TANC1: variants seen among roughly 807,000 people sequenced by gnomAD.
TANC1 encodes the protein protein TANC1.
A neutral mutation model predicts 149.7 loss-of-function variants in TANC1; 77 were observed. The ratio of observed to expected loss-of-function variants is 0.51; its 90% CI spans 0.43 to 0.62. The LOEUF (loss-of-function observed/expected upper bound fraction) is 0.62, where lower values mean the gene tolerates loss of function less well. Among genes scored for constraint, TANC1 ranks in the 20% least tolerant of loss-of-function variants. The probability of loss-of-function intolerance (pLI) is 0.00; values close to 1 mark genes in which losing one functional copy is unlikely to be tolerated. For missense variants in TANC1, 1,985 were observed against 2,321.8 expected, an observed-to-expected ratio of 0.85 and a Z score of 2.98; for synonymous variants, 854 against 925.0, an observed-to-expected ratio of 0.92 and a Z score of 1.39.
chr2:159,084,528 T>A (rs2044637657), intron 3 of TANC1, among the ~76,000 whole-genome samples: 3 of 152,306 alleles, frequency 2.0e-5, no homozygotes, highest in Admixed American at 2.0e-4. Context: ...CAGCTCCCTT[T>A]TATTCTCTCC....
In TANC1 at chr2:159,229,830, A is replaced by T. The variant is rs1444955354; in HGVS notation, c.4404A>T (p.Glu1468Asp). ...AAGAGGAAGAAACTTCTCCCCAGGA[A>T]GAATCTGTTTCCCCAACTCCCAGGT... Reference protein sequence around the residue: ...ETEEEETSPQEESVSPTPRSQ... With the variant: ...ETEEEETSPQDESVSPTPRSQ... Residue 1468 changes from glutamate (E) to aspartate (D), a missense_variant, in exon 27 of 27, where the codon GAA becomes GAT. Around this residue, in one of 3 missense-constraint regions of TANC1, gnomAD observed 920 missense variants for 994.7 expected, o/e 0.92. Coordinates refer to ENST00000263635, the MANE Select transcript of TANC1 (RefSeq NM_033394.3). 3 of 1,614,046 alleles carry T rather than the reference A, an allele frequency of 1.9e-6. No homozygotes were observed. In the Admixed American group the frequency reaches 5.0e-5, roughly 27 times the overall value.
intron 2 of TANC1, among the ~76,000 whole-genome samples, chr2:159,054,230 C>A (rs555493046): frequency 6.6e-6 from 1 of 152,266 alleles, no homozygotes; most frequent in East Asian, 1.9e-4. Context: ...GTTGTGTGAC[C>A]CTGGGCAAGT....
At position 159,172,534 on chromosome 2, in the gene TANC1, C is replaced by T. The variant is rs528542396; in HGVS notation, c.1503+262C>T. 1.2e-4 allele frequency among the ~76,000 whole-genome samples: 19 copies of T among 152,336 alleles called. No individual in the cohort carries two copies. In the South Asian group the frequency reaches 3.9e-3, roughly 32 times the overall value. On this transcript the variant is annotated intron_variant, in intron 11 of 26. Coordinates refer to ENST00000263635, the MANE Select transcript of TANC1 (RefSeq NM_033394.3). Reference sequence around the variant, plus strand: ...TCAAGGCAGCAGAAGGTAGCATGTGCACTCGCCACAAATCCATGCTTATCT... The same window carrying T: ...TCAAGGCAGCAGAAGGTAGCATGTGTACTCGCCACAAATCCATGCTTATCT...
chr2:159,144,321 C>A (rs541592084), intron 5 of TANC1, among the ~76,000 whole-genome samples: 1 of 152,074 alleles, frequency 6.6e-6, no homozygotes, highest in Non-Finnish European at 1.5e-5. Flanking sequence ...GTATTGCAGA[C>A]CAGAAACAAC....
chr2:159,161,250 C>G (rs2150389757), intron 7 of TANC1, among the ~76,000 whole-genome samples: 1 of 152,332 alleles, frequency 6.6e-6, no homozygotes, highest in East Asian at 1.9e-4. Flanking sequence ...AGCACTTTGA[C>G]TTTTGGTTTA....
intron 13 of TANC1, among the ~76,000 whole-genome samples, chr2:159,176,907 A>ATTTTTTTTTTTTTTTTTTTTTT (rs10647127): frequency 9.8e-6 from 1 of 101,986 alleles, no homozygotes; most frequent in Non-Finnish European, 1.8e-5. Context: ...AAGGTGAAAG[A>ATTTTTTTTTTTTTTTTTTTTTT]TTTTTTTTTT....
At chr2:159,136,647 A>G (rs895273933) in intron 5 of TANC1, among the ~76,000 whole-genome samples, 3 of 152,188 alleles carry the variant, frequency 2.0e-5, no homozygotes, top group Admixed American at 1.3e-4. Flanking sequence ...AGAAAATTCA[A>G]CAACAGGCTT....
At chr2:158,985,136 C>A (rs1185681607) in intron 1 of TANC1, among the ~76,000 whole-genome samples, 2 of 152,112 alleles carry the variant, frequency 1.3e-5, no homozygotes, top group East Asian at 3.9e-4. Flanking sequence ...TGTTTGAGGC[C>A]TGAGTTAGTG....
intron 16 of TANC1, among the ~76,000 whole-genome samples, chr2:159,189,741 G>A (rs148271818): frequency 1.6e-4 from 25 of 152,256 alleles, no homozygotes; most frequent in African/African-American, 5.5e-4. Context: ...ATCACTTGAT[G>A]TGTTTACAGC....
chr2:159,136,247 G>A lies in TANC1; in HGVS notation c.313G>A (p.Val105Ile). 6.2e-7 allele frequency: 1 copy of A among 1,613,710 alleles called. No homozygotes were observed. Among genetic ancestry groups the A allele is most frequent in the Non-Finnish European group, 8.5e-7 (1 of 1,179,602 alleles). ...VESPRVPGDAVIMPFREVAKP... is the reference protein window; with the variant it reads ...VESPRVPGDAIIMPFREVAKP... ...AAGCCCCAGAGTGCCTGGAGATGCA[G>A]TTATAATGCCATTCAGAGAAGTAGC... is the stretch of plus-strand genomic sequence containing the variant. Residue 105 changes from valine to isoleucine, a missense_variant, in exon 5 of 27, where the codon GTT (valine) becomes ATT (isoleucine). By Grantham distance (29) the Val-to-Ile change is conservative (BLOSUM62 3). Around this residue, in one of 3 missense-constraint regions of TANC1, gnomAD observed 557 missense variants for 612.9 expected, o/e 0.91. Coordinates refer to ENST00000263635, the MANE Select transcript of TANC1 (RefSeq NM_033394.3).
At chr2:159,044,293 G>A (rs192266457) in intron 2 of TANC1, among the ~76,000 whole-genome samples, 1 of 152,056 alleles carries the variant, frequency 6.6e-6, no homozygotes, top group East Asian at 1.9e-4. Flanking sequence ...AAAAATGGCT[G>A]GGTTATGGTG....
At chr2:159,115,158 G>A (rs989366471) in intron 4 of TANC1, among the ~76,000 whole-genome samples, 3 of 149,816 alleles carry the variant, frequency 2.0e-5, no homozygotes, top group Non-Finnish European at 3.0e-5. Context: ...CTCTCCTTTC[G>A]GAAGCTGGTA....
intron 2 of TANC1, among the ~76,000 whole-genome samples, chr2:159,004,730 C>CA (rs950306807): frequency 4.6e-5 from 7 of 151,750 alleles, no homozygotes; most frequent in Middle Eastern, 3.4e-3. Context: ...AACAAACAAA[C>CA]AAACAAAAAA....
At chr2:159,090,829 G>A (rs1279171398) in intron 3 of TANC1, among the ~76,000 whole-genome samples, 1 of 152,206 alleles carries the variant, frequency 6.6e-6, no homozygotes, top group Non-Finnish European at 1.5e-5. Flanking sequence ...CCACGGAGAG[G>A]AGAGGAAACT....
chr2:158,974,273 C>T (rs1335256978), intron 1 of TANC1, among the ~76,000 whole-genome samples: 3 of 152,148 alleles, frequency 2.0e-5, no homozygotes, highest in African/African-American at 7.2e-5. Context: ...CATTGAGGGC[C>T]ATTGCTGCAA....
intron 2 of TANC1, among the ~76,000 whole-genome samples, chr2:159,057,264 C>T (rs2041922592): frequency 1.3e-5 from 2 of 152,214 alleles, no homozygotes; most frequent in Admixed American, 6.5e-5. Flanking sequence ...ACAGGGCTAT[C>T]CTGAACCTTC....
At chr2:159,137,285 A>G (rs1401981124) in intron 5 of TANC1, among the ~76,000 whole-genome samples, 1 of 152,134 alleles carries the variant, frequency 6.6e-6, no homozygotes, top group Non-Finnish European at 1.5e-5. Context: ...TGGGAAGACA[A>G]TATACTGGAG....
intron 4 of TANC1, among the ~76,000 whole-genome samples, chr2:159,112,471 G>T (rs1356659146): frequency 6.6e-6 from 1 of 151,468 alleles, no homozygotes; most frequent in Non-Finnish European, 1.5e-5. Flanking sequence ...GCCCAGGCTG[G>T]TGTCAAACTC....
rs774177643 is a variant in TANC1 at position 159,097,788 on chromosome 2, T to C, written c.213T>C (p.Pro71=). 38 of 1,613,874 alleles carry C rather than the reference T, an allele frequency of 2.4e-5. No individual in the cohort carries two copies. The highest frequency in any genetic ancestry group is 3.0e-5 in the Non-Finnish European group (35 of 1,180,004). The part of the protein sequence containing the change: ...SMSLPSSPLL[P]RQSHLVQSRV... ...CTCTGCCTTCCTCACCTTTGCTGCC[T>C]CGACAGTCTCACTTGGTGCAATCAA... The change falls in exon 4 of 27, where the codon CCT becomes CCC. Residue 71 remains proline, a synonymous_variant. Coordinates refer to ENST00000263635, the MANE Select transcript of TANC1 (RefSeq NM_033394.3).
Sources: gnomAD v4.1 joint callset for allele counts (sites outside exome capture counted in the v4.1 genomes callset) on GRCh38, gnomAD v4.1.1 for gene constraint, gnomAD v4.1.1 regional missense constraint, MANE v1.5 for transcripts, NCBI Gene and HGNC (gene_info 2026-07-23, HGNC 2026-07-21) for gene names.